FOXN3: variants seen among roughly 807,000 people sequenced by gnomAD.
FOXN3 encodes the protein forkhead box N3.
In FOXN3, 7 loss-of-function variants were observed where a neutral mutation model predicts 38.4. That is an observed-to-expected ratio of 0.18 (90% CI 0.10 to 0.34). The LOEUF (loss-of-function observed/expected upper bound fraction) is 0.34. FOXN3 is among the 10% of genes least tolerant of loss of function. The probability of loss-of-function intolerance (pLI) is 1.00; values close to 1 mark genes in which losing one functional copy is unlikely to be tolerated. For synonymous variants in FOXN3, 230 were observed against 242.2 expected, an observed-to-expected ratio of 0.95 and a Z score of 0.47; for missense variants, 456 against 613.4, an observed-to-expected ratio of 0.74 and a Z score of 2.71.
chr14:89,551,647 G>A (rs899540057), intron 1 of FOXN3, among the ~76,000 whole-genome samples: 6 of 152,102 alleles, frequency 3.9e-5, no homozygotes, highest in Admixed American at 6.5e-5. Context: ...GTCCCCTCGC[G>A]GCAGGTCCTG....
intron 1 of FOXN3, among the ~76,000 whole-genome samples, chr14:89,592,558 T>C (rs1895979197): frequency 6.6e-6 from 1 of 152,164 alleles, no homozygotes; most frequent in Non-Finnish European, 1.5e-5. Context: ...TCAACAACAA[T>C]AGAAACTAGA....
At chr14:89,225,897 T>C (rs1247468720) in intron 4 of FOXN3, among the ~76,000 whole-genome samples, 1 of 152,200 alleles carries the variant, frequency 6.6e-6, no homozygotes, top group Non-Finnish European at 1.5e-5. Context: ...CTCAGAACTC[T>C]TTCCATTTCC....
At position 89,446,087 on chromosome 14, in the gene FOXN3, C is replaced by CAAAAAAAAA. The variant is rs576883864; in HGVS notation, c.-14-33606_-14-33598dup. ...TGGGTAACAGAGCGAGACCCTGCCT[C>CAAAAAAAAA]AAAAAAAAAAAAAAAAAAAAAAAAT... On this transcript the variant is annotated intron_variant, in intron 1 of 6. Coordinates refer to the FOXN3 transcript ENST00000345097. Among the ~76,000 whole-genome samples the CAAAAAAAAA allele has an allele frequency of 2.4e-3, 95 of 40,096 alleles. 4 individuals carry two copies. Among genetic ancestry groups the CAAAAAAAAA allele is most frequent in the African/African-American group, 7.3e-3 (86 of 11,740 alleles). The allele number at this position is 40,096 out of a possible 152,430, so 26.3% of individuals were successfully genotyped here.
rs192538910 is a variant in FOXN3 at position 89,411,919 on chromosome 14, G to C, written c.543+15C>G. On this transcript the variant is annotated intron_variant, in intron 2 of 5. Transcript: ENST00000557258. ...AAAAAAAAGAAAACCTTGGGTTCCA[G>C]ACACAGAGGCTTACCTGACTCCTCT... is the stretch of plus-strand genomic sequence containing the variant. 2 of 1,346,520 alleles carry C rather than the reference G, an allele frequency of 1.5e-6. No individual in the cohort carries two copies. The highest frequency in any genetic ancestry group is 4.9e-5 in the South Asian group (2 of 40,806). 83.4% of individuals were successfully genotyped at this position (1,346,520 alleles called of 1,614,324 possible). A position where few individuals can be genotyped will look rare whatever the true frequency, so the allele number is the denominator to read the frequency against.
At chr14:89,333,176 TC>T in intron 3 of FOXN3, 1 of 161,802 alleles carries the variant, frequency 6.2e-6, no homozygotes, top group South Asian at 1.3e-4. Flanking sequence ...ACGCCTGTAA[TC>T]CCAGCACTTG....
intron 5 of FOXN3, among the ~76,000 whole-genome samples, chr14:89,174,764 T>C (rs917231999): frequency 9.9e-5 from 15 of 152,220 alleles, no homozygotes; most frequent in African/African-American, 1.9e-4. Context: ...ATTCAGTGCA[T>C]GCTTTGTGTA....
At chr14:89,533,892 GTTC>G (rs1218346246) in intron 1 of FOXN3, among the ~76,000 whole-genome samples, 5 of 151,676 alleles carry the variant, frequency 3.3e-5, no homozygotes, top group South Asian at 4.1e-4. Context: ...TACTGTTTTC[GTTC>G]TTCTTTCTTT....
chr14:89,185,262 C>T (rs934010776), intron 4 of FOXN3, among the ~76,000 whole-genome samples: 1 of 152,204 alleles, frequency 6.6e-6, no homozygotes. Context: ...CTTAACTATA[C>T]CCCTGTCTTT....
chr14:89,576,629 C>T (rs1274251917), intron 1 of FOXN3: 1 of 152,080 alleles, frequency 6.6e-6, no homozygotes, highest in Non-Finnish European at 1.5e-5. Flanking sequence ...CGGCAAGCTA[C>T]TGCAGAATTA....
intron 4 of FOXN3, among the ~76,000 whole-genome samples, chr14:89,208,780 A>G (rs1038887699): frequency 2.0e-5 from 3 of 152,208 alleles, no homozygotes; most frequent in African/African-American, 7.2e-5. Flanking sequence ...ACTGATGAAC[A>G]GTGTGAAAAA....
intron 2 of FOXN3, among the ~76,000 whole-genome samples, chr14:89,399,119 T>C (rs1891179369): frequency 6.6e-6 from 1 of 152,264 alleles, no homozygotes; most frequent in Non-Finnish European, 1.5e-5. Context: ...GCAGCTATCT[T>C]GATCCGGTGC....
Position 89,164,902 on chromosome 14 carries a change from AG to A in FOXN3, c.852-1934del, listed in dbSNP as rs1887200469. On this transcript the variant is annotated intron_variant, in intron 5 of 5. Coordinates refer to ENST00000557258, the MANE Select transcript of FOXN3 (RefSeq NM_005197.4). The surrounding 1 kb of genome is among the most constrained non-coding windows in gnomAD (Gnocchi z 4.3). ...GGAAGGGAAAGAGTCCCTAATGAAA[AG>A]GGTGCAGTAGGGAGTGAGGCGAAGG... 6.6e-6 allele frequency among the ~76,000 whole-genome samples: 1 copy of A among 151,822 alleles called. No individual in the cohort carries two copies. Among genetic ancestry groups the A allele is most frequent in the Non-Finnish European group, 1.5e-5 (1 of 67,942 alleles).
intron 5 of FOXN3, among the ~76,000 whole-genome samples, chr14:89,172,555 G>T (rs1887417194): frequency 6.6e-6 from 1 of 152,166 alleles, no homozygotes; most frequent in Admixed American, 6.5e-5. Context: ...GCCAAGAATA[G>T]CAAAGACACT....
intron 2 of FOXN3, among the ~76,000 whole-genome samples, chr14:89,363,947 A>AATAAATATAT (rs1198064384): frequency 7.2e-5 from 8 of 111,398 alleles, no homozygotes; most frequent in African/African-American, 3.6e-4. Flanking sequence ...CTGTCTGTAA[A>AATAAATATAT]ATATATATAT....
intron 2 of FOXN3, among the ~76,000 whole-genome samples, chr14:89,378,537 C>T (rs1890550714): frequency 6.6e-6 from 1 of 152,120 alleles, no homozygotes; most frequent in South Asian, 2.1e-4. Context: ...GTCATTTCTC[C>T]TTGACATAAA....
At chr14:89,497,234 C>T (rs572813620) in intron 1 of FOXN3, among the ~76,000 whole-genome samples, 1 of 152,060 alleles carries the variant, frequency 6.6e-6, no homozygotes, top group South Asian at 2.1e-4. Flanking sequence ...GGATTACAGG[C>T]GTGAGCCACC....
chr14:89,301,889 C>T (rs1455975970), intron 3 of FOXN3, among the ~76,000 whole-genome samples: 2 of 152,090 alleles, frequency 1.3e-5, no homozygotes, highest in Non-Finnish European at 2.9e-5. Context: ...GCAGAAAGGC[C>T]CGGCCCGACC....
At chr14:89,204,415 C>T (rs533196417) in intron 4 of FOXN3, among the ~76,000 whole-genome samples, 2 of 152,164 alleles carry the variant, frequency 1.3e-5, no homozygotes, top group Non-Finnish European at 2.9e-5. Flanking sequence ...GTCCAGGCCT[C>T]AGTTTCAACA....
chr14:89,563,902 C>A (rs1895297601), intron 1 of FOXN3, among the ~76,000 whole-genome samples: 1 of 152,084 alleles, frequency 6.6e-6, no homozygotes, highest in African/African-American at 2.4e-5. Context: ...CAGGCTGGAG[C>A]ACAGTGGCTC....
Sources: gnomAD v4.1 joint callset for allele counts (sites outside exome capture counted in the v4.1 genomes callset) on GRCh38, gnomAD v4.1.1 for gene constraint, Gnocchi (gnomAD v3.1) non-coding constraint, MANE v1.5 for transcripts, NCBI Gene and HGNC (gene_info 2026-07-23, HGNC 2026-07-21) for gene names.